Variants in ADGRV1 observed in about 807,000 individuals in gnomAD.
ADGRV1 encodes adhesion G protein-coupled receptor V1, also known as G-protein coupled receptor 98.
A neutral mutation model predicts 596.2 loss-of-function variants in ADGRV1; 359 were observed. The ratio of observed to expected loss-of-function variants is 0.60; its 90% CI spans 0.55 to 0.66. The LOEUF is 0.66. Among genes scored for constraint, ADGRV1 ranks in the 30% least tolerant of loss-of-function variants. The pLI, the probability that ADGRV1 is intolerant of heterozygous loss-of-function variation, is 0.00. For synonymous variants in ADGRV1, 2,681 were observed against 2,679.2 expected (o/e 1.00, Z -0.02); for missense variants, 7,274 against 7,575.6 (o/e 0.96, Z 1.48).
chr5:91,000,187 T>A (rs1485657754), intron 85 of ADGRV1, among the ~76,000 whole-genome samples: 1 of 152,150 alleles, frequency 6.6e-6, no homozygotes, highest in South Asian at 2.1e-4. Flanking sequence ...CAATTTTATC[T>A]CCTGCTTATT....
At chr5:91,073,800 C>A (rs1788601293) in intron 86 of ADGRV1, among the ~76,000 whole-genome samples, 1 of 152,172 alleles carries the variant, frequency 6.6e-6, no homozygotes, top group African/African-American at 2.4e-5. Flanking sequence ...AAGATTCAAG[C>A]AATTCTCCTT....
intron 11 of ADGRV1, among the ~76,000 whole-genome samples, 159 bp from the exon 12 acceptor site, chr5:90,642,477 T>G (rs527353979): frequency 6.6e-5 from 10 of 152,314 alleles, no homozygotes; most frequent in African/African-American, 1.4e-4. Context: ...TGTTTTGATC[T>G]TAAATGATTT....
chr5:91,111,756 A>G (rs766230400), intron 87 of ADGRV1, among the ~76,000 whole-genome samples: 1 of 152,194 alleles, frequency 6.6e-6, no homozygotes, highest in Non-Finnish European at 1.5e-5. Flanking sequence ...AAACATGTAG[A>G]AGCCAAGGGA....
In ADGRV1 at chr5:90,718,869, A is replaced by G. The variant is rs544548544; in HGVS notation, c.9448-1179A>G. ...ATATACTTTTCTTTTTATTAGGCAA[A>G]TTAAATGTTAGAGCAAATTGGATTA... On this transcript the variant is annotated intron_variant, in intron 43 of 89. Coordinates refer to ENST00000405460, the MANE Select transcript of ADGRV1 (RefSeq NM_032119.4). Among the ~76,000 whole-genome samples the G allele has an allele frequency of 4.1e-3, 621 of 152,100 alleles. 4 individuals carry two copies. The highest frequency in any genetic ancestry group is 6.8e-3 in the Non-Finnish European group (460 of 68,010).
At chr5:90,849,754 A>C (rs1054242075) in intron 79 of ADGRV1, among the ~76,000 whole-genome samples, 3 of 152,212 alleles carry the variant, frequency 2.0e-5, no homozygotes, top group African/African-American at 7.2e-5. Context: ...AGATAGAAAA[A>C]AGTTATAAGA....
At chr5:90,764,845 T>C (rs1756922030) in intron 59 of ADGRV1, among the ~76,000 whole-genome samples, 1 of 152,092 alleles carries the variant, frequency 6.6e-6, no homozygotes, top group Non-Finnish European at 1.5e-5. Flanking sequence ...TCATTTTGGG[T>C]CTGAGGGAAA....
At chr5:90,735,044 C>T (rs1406477565) in intron 50 of ADGRV1, among the ~76,000 whole-genome samples, 1 of 151,970 alleles carries the variant, frequency 6.6e-6, no homozygotes, top group African/African-American at 2.4e-5. Context: ...TGATGCAATC[C>T]CATTTGTCTA....
Position 90,635,127 on chromosome 5 carries a change from A to G in ADGRV1, c.1853A>G (p.Glu618Gly), listed in dbSNP as rs1580533417. ...AHFLVQLETV[E>G]LLNIIPLIPP... is the part of the protein sequence containing the mutation. ...TGTTTATTATAGTTGGAAACTGTGG[A>G]GTTGTTAAACATAATTCCTCTAATC... The change falls in exon 10 of 90, where the codon GAG (glutamate) becomes GGG (glycine). Residue 618 changes from glutamate (E) to glycine (G), a missense_variant. Coordinates refer to ENST00000405460, the MANE Select transcript of ADGRV1 (RefSeq NM_032119.4). 6.3e-7 allele frequency: 1 copy of G among 1,590,244 alleles called. No homozygotes were observed. The highest frequency in any genetic ancestry group is 2.2e-5 in the East Asian group (1 of 44,724).
chr5:90,829,676 A>T (rs565731981), intron 77 of ADGRV1, among the ~76,000 whole-genome samples: 15 of 152,220 alleles, frequency 9.9e-5, no homozygotes, highest in Non-Finnish European at 2.1e-4. Flanking sequence ...CAGATAAAAG[A>T]CAGGGAGGCT....
At chr5:90,813,223 C>A (rs1762611085) in intron 74 of ADGRV1, among the ~76,000 whole-genome samples, 1 of 132,302 alleles carries the variant, frequency 7.6e-6, no homozygotes, top group Non-Finnish European at 1.6e-5. Context: ...TATTTTATTA[C>A]AGGTATTTGA....
chr5:90,559,870 AAAC>A (rs138502861), intron 1 of ADGRV1, among the ~76,000 whole-genome samples: 9,228 of 152,122 alleles, frequency 0.061, 788 homozygotes, highest in African/African-American at 0.2. Flanking sequence ...TAATTAGATC[AAAC>A]AACAACAACA....
Position 90,639,910 on chromosome 5 carries a change from A to T in ADGRV1, c.2240+1962A>T, listed in dbSNP as rs560501320. ...TTGCAATGAAAATAGTTAACAGTTT[A>T]TTGTGATAACAGTTTATAATTTCCT... On this transcript the variant is annotated intron_variant, in intron 11 of 89. Transcript: ENST00000405460. Among the ~76,000 whole-genome samples, 7 of 152,302 alleles carry T rather than the reference A, an allele frequency of 4.6e-5. No individual in the cohort carries two copies. In the East Asian group the frequency reaches 1.3e-3, roughly 29 times the overall value.
chr5:91,115,947 AAAC>A (rs3079443), intron 87 of ADGRV1, among the ~76,000 whole-genome samples: 125 of 150,640 alleles, frequency 8.3e-4, no homozygotes, highest in African/African-American at 2.7e-3. Flanking sequence ...CTTCCATCTA[AAAC>A]AACAACAACA....
rs1400430057 is a variant in ADGRV1, at chr5:90,788,203, A to G, written c.13786A>G (p.Ile4596Val). Reference protein sequence around the residue: ...EGGVRTIILTIYPHEEIEVEE... With the variant: ...EGGVRTIILTVYPHEEIEVEE... Reference sequence around the variant, plus strand: ...AGGAGTGAGAACCATAATTCTGACAATCTATCCTCATGAAGAAATTGAAGT... The same window carrying G: ...AGGAGTGAGAACCATAATTCTGACAGTCTATCCTCATGAAGAAATTGAAGT... Residue 4596 changes from isoleucine to valine, a missense_variant, in exon 68 of 90, where the codon ATC (isoleucine) becomes GTC (valine). Coordinates refer to ENST00000405460, the MANE Select transcript of ADGRV1 (RefSeq NM_032119.4). 3 of 1,613,752 alleles carry G rather than the reference A, an allele frequency of 1.9e-6. No individual in the cohort carries two copies. Among genetic ancestry groups the G allele is most frequent in the Admixed American group, 1.7e-5 (1 of 59,994 alleles).
At chr5:91,143,598 T>A (rs1308777392) in intron 87 of ADGRV1, among the ~76,000 whole-genome samples, 1 of 152,106 alleles carries the variant, frequency 6.6e-6, no homozygotes, top group Non-Finnish European at 1.5e-5. Context: ...AATCTGGAGT[T>A]TTTATGGGCT....
intron 84 of ADGRV1, among the ~76,000 whole-genome samples, chr5:90,968,259 A>G (rs1778651220): frequency 1.3e-5 from 2 of 152,212 alleles, no homozygotes; most frequent in South Asian, 4.1e-4. Context: ...TCAAAGTTGA[A>G]GAGGCTTTTC....
chr5:91,100,328 G>C (rs1791264695), intron 86 of ADGRV1, among the ~76,000 whole-genome samples: 1 of 152,150 alleles, frequency 6.6e-6, no homozygotes, highest in Non-Finnish European at 1.5e-5. Context: ...AGGCTGAGAG[G>C]TGGCAGGATG....
chr5:90,928,772 T>G lies in ADGRV1; in HGVS notation c.17857-36643T>G, dbSNP rs530215232. 7.9e-5 allele frequency among the ~76,000 whole-genome samples: 12 copies of G among 151,856 alleles called. 1 individual carries two copies. In the East Asian group the frequency reaches 2.1e-3, roughly 27 times the overall value. ...CCCCATCTTTGTGTTTTTATCTACT[T>G]TTGGTCTTTGATAATAGTGATGTAC... On this transcript the variant is annotated intron_variant, in intron 83 of 89. Coordinates refer to ENST00000405460, the MANE Select transcript of ADGRV1 (RefSeq NM_032119.4).
intron 75 of ADGRV1, among the ~76,000 whole-genome samples, chr5:90,819,747 G>C (rs1763283292): frequency 6.6e-6 from 1 of 152,000 alleles, no homozygotes; most frequent in African/African-American, 2.4e-5. Flanking sequence ...TCTTAATCCT[G>C]AGTTCCAGTT....
Sources: gnomAD v4.1 joint callset for allele counts (sites outside exome capture counted in the v4.1 genomes callset) on GRCh38, gnomAD v4.1.1 for gene constraint, MANE v1.5 for transcripts, NCBI Gene and HGNC (gene_info 2026-07-23, HGNC 2026-07-21) for gene names.